GADL1: variants seen among roughly 807,000 people sequenced by gnomAD.
The protein encoded by GADL1 is GAD like acidic amino acid decarboxylase 1.
A neutral mutation model predicts 69.5 loss-of-function variants in GADL1; 71 were observed. That is an observed-to-expected ratio of 1.02 (90% CI 0.84 to 1.25). GADL1 has a LOEUF of 1.25. Ranked by LOEUF, GADL1 falls within the 50% of genes most tolerant of loss-of-function variation. The pLI is 0.00. For synonymous variants in GADL1, 254 were observed against 214.4 expected, an observed-to-expected ratio of 1.18 and a Z score of -1.62; for missense variants, 737 against 631.8, an observed-to-expected ratio of 1.17 and a Z score of -1.79.
intron 13 of GADL1, among the ~76,000 whole-genome samples, chr3:30,778,517 TAA>T (rs1221837590): frequency 6.6e-6 from 1 of 152,132 alleles, no homozygotes; most frequent in Non-Finnish European, 1.5e-5. Flanking sequence ...GAAAAAACAG[TAA>T]AGTTTGAAGC....
chr3:30,848,946 G>T (rs541557752), intron 6 of GADL1, among the ~76,000 whole-genome samples: 3 of 152,278 alleles, frequency 2.0e-5, no homozygotes, highest in South Asian at 4.1e-4. Context: ...CCCCCATGAG[G>T]TTGTGGGGTC....
intron 12 of GADL1, among the ~76,000 whole-genome samples, chr3:30,788,860 T>G (rs1427959970): frequency 6.6e-6 from 1 of 152,174 alleles, no homozygotes; most frequent in Non-Finnish European, 1.5e-5. Context: ...ACTGCAGCAA[T>G]TCAGTCACAT....
intron 1 of GADL1, among the ~76,000 whole-genome samples, chr3:30,893,249 CTTT>C (rs1559370723): frequency 6.6e-6 from 1 of 152,134 alleles, no homozygotes; most frequent in Non-Finnish European, 1.5e-5. Context: ...TGTTTTTCTT[CTTT>C]TTAAGTTTTA....
chr3:30,776,438 G>GT (rs1198313367), intron 14 of GADL1, among the ~76,000 whole-genome samples: 2 of 152,152 alleles, frequency 1.3e-5, no homozygotes, highest in Non-Finnish European at 2.9e-5. Context: ...CATCTGAAAT[G>GT]TATTCTTAAG....
intron 1 of GADL1, among the ~76,000 whole-genome samples, chr3:30,875,977 A>G (rs1298339715): frequency 6.6e-6 from 1 of 151,964 alleles, no homozygotes. Context: ...CAACTTGGCC[A>G]TTCTTGCCAG....
chr3:30,860,427 A>C (rs1337208124), intron 2 of GADL1, among the ~76,000 whole-genome samples: 1 of 152,008 alleles, frequency 6.6e-6, no homozygotes, highest in Non-Finnish European at 1.5e-5. Context: ...CCAGAGGAGC[A>C]GTGTACTCCA....
rs777854403 is a variant in GADL1, at chr3:30,839,143, A to T, written c.787-30T>A. On this transcript the variant is annotated intron_variant, in intron 8 of 14. Transcript: ENST00000282538. ...AAGAAGGATCCACACACACAAAATT[A>T]TCACTGTCATCACTAAATTTGTCCT... 2.3e-6 allele frequency: 3 copies of T among 1,313,150 alleles called. No individual in the cohort carries two copies. In the South Asian group the frequency reaches 4.7e-5, roughly 21 times the overall value. The allele number at this position is 1,313,150 out of a possible 1,614,324, so 81.3% of individuals were successfully genotyped here.
chr3:30,878,443 C>T (rs1410202772), intron 1 of GADL1, among the ~76,000 whole-genome samples: 2 of 151,868 alleles, frequency 1.3e-5, no homozygotes, highest in African/African-American at 2.4e-5. Flanking sequence ...TATAGAAATG[C>T]AATTTTAACT....
At chr3:30,810,553 G>C (rs1373308094) in intron 11 of GADL1, among the ~76,000 whole-genome samples, 1 of 152,034 alleles carries the variant, frequency 6.6e-6, no homozygotes, top group East Asian at 1.9e-4. Context: ...TGACGTTTTT[G>C]TGGTGGTTCA....
At chr3:30,856,226 T>G (rs1698228405) in intron 3 of GADL1, among the ~76,000 whole-genome samples, 1 of 152,088 alleles carries the variant, frequency 6.6e-6, no homozygotes. Flanking sequence ...TAGTCCAGTG[T>G]CAGAATTTAC....
chr3:30,735,975 T>C (rs1358867281), intron 14 of GADL1, among the ~76,000 whole-genome samples: 2 of 152,190 alleles, frequency 1.3e-5, no homozygotes, highest in Non-Finnish European at 2.9e-5. Flanking sequence ...TGGACTAAAT[T>C]AACATAATCT....
chr3:30,892,576 A>G (rs1698800033), intron 1 of GADL1, among the ~76,000 whole-genome samples: 1 of 152,218 alleles, frequency 6.6e-6, no homozygotes, highest in Non-Finnish European at 1.5e-5. Flanking sequence ...CAAAGCCACC[A>G]CAAGCTACAG....
intron 11 of GADL1, among the ~76,000 whole-genome samples, chr3:30,816,327 G>C (rs547214321): frequency 6.6e-6 from 1 of 151,878 alleles, no homozygotes; most frequent in Non-Finnish European, 1.5e-5. Flanking sequence ...AGAGTTTCTG[G>C]TTTTCCACAC....
In GADL1 at chr3:30,752,405, G is replaced by A. The variant is rs140323655; in HGVS notation, c.1393-23990C>T. Among the ~76,000 whole-genome samples, 888 of 152,136 alleles carry A rather than the reference G, an allele frequency of 5.8e-3. 8 individuals carry two copies. The highest frequency in any genetic ancestry group is 0.02 in the African/African-American group (824 of 41,382). ...TTGCATGGAGATAGACATGTATGGT[G>A]AAAGAGGATGGGAGTAACAATGGAG... On this transcript the variant is annotated intron_variant, in intron 14 of 14. Transcript: ENST00000282538.
chr3:30,763,215 T>A (rs1270462642), intron 14 of GADL1, among the ~76,000 whole-genome samples: 4 of 152,114 alleles, frequency 2.6e-5, no homozygotes, highest in African/African-American at 7.2e-5. Context: ...ATTGAAAGTA[T>A]TGGCCAGGAA....
At chr3:30,768,983 G>T (rs899144619) in intron 14 of GADL1, among the ~76,000 whole-genome samples, 3 of 152,158 alleles carry the variant, frequency 2.0e-5, no homozygotes, top group Non-Finnish European at 4.4e-5. Context: ...CAGCCCAGGG[G>T]TCTATTCTTT....
chr3:30,887,522 C>A (rs1698725538), intron 1 of GADL1, among the ~76,000 whole-genome samples: 1 of 152,110 alleles, frequency 6.6e-6, no homozygotes, highest in African/African-American at 2.4e-5. Flanking sequence ...TGAAAAGAAT[C>A]CCCACAAGCA....
At chr3:30,754,835 A>AG (rs1471145230) in intron 14 of GADL1, among the ~76,000 whole-genome samples, 12 of 146,074 alleles carry the variant, frequency 8.2e-5, no homozygotes, top group Non-Finnish European at 7.5e-5. Context: ...CTGTTCTATG[A>AG]GGGGGCAAAA....
intron 2 of GADL1, among the ~76,000 whole-genome samples, chr3:30,859,942 G>A (rs369973303): frequency 8.7e-4 from 132 of 151,958 alleles, no homozygotes; most frequent in African/African-American, 3.1e-3. Flanking sequence ...AAGATCTTCC[G>A]TTTCTCATCT....
Sources: allele counts gnomAD v4.1 joint callset (sites outside exome capture counted in the v4.1 genomes callset), GRCh38; gene constraint gnomAD v4.1.1; transcripts MANE v1.5; gene names NCBI Gene and HGNC (gene_info 2026-07-23, HGNC 2026-07-21).